Variants in RNF180 observed in about 807,000 individuals in gnomAD.
RNF180 encodes the protein E3 ubiquitin-protein ligase RNF180.
Under a neutral mutation model 59.2 loss-of-function variants are expected in RNF180, and 38 were observed. The observed-to-expected ratio is 0.64, with a 90% CI of 0.50 to 0.84. The LOEUF (loss-of-function observed/expected upper bound fraction) is 0.84, where lower values mean the gene tolerates loss of function less well. Among genes scored for constraint, RNF180 ranks in the 40% least tolerant of loss-of-function variants. The pLI, the probability that RNF180 is intolerant of heterozygous loss-of-function variation, is 0.00. For synonymous variants in RNF180, 262 were observed against 240.3 expected (o/e 1.09, Z -0.84); for missense variants, 705 against 700.9 (o/e 1.01, Z -0.07).
At chr5:64,190,500 G>A (rs1751089035) in intron 1 of RNF180, among the ~76,000 whole-genome samples, 1 of 152,118 alleles carries the variant, frequency 6.6e-6, no homozygotes, top group African/African-American at 2.4e-5. Flanking sequence ...TAAGACTTTT[G>A]GGAGCTGTTG....
chr5:64,317,149 C>T (rs7725240), intron 5 of RNF180, among the ~76,000 whole-genome samples: 7,448 of 151,282 alleles, frequency 0.049, 591 homozygotes, highest in African/African-American at 0.16. Context: ...TATGTGTGTG[C>T]GTGTGTGTGT....
upstream of RNF180, chr5:64,165,812 G>C (rs2111831020): frequency 6.6e-6 from 1 of 152,208 alleles, no homozygotes; most frequent in South Asian, 2.1e-4. Flanking sequence ...GCTTTCCGCG[G>C]GGTTTGGCTC....
At chr5:64,270,153 G>A (rs1388099748) in intron 5 of RNF180, among the ~76,000 whole-genome samples, 2 of 151,994 alleles carry the variant, frequency 1.3e-5, no homozygotes, top group Non-Finnish European at 1.5e-5. Context: ...GTAAACCATT[G>A]TATTAATATT....
At chr5:64,226,921 G>A (rs1741800899) in intron 5 of RNF180, among the ~76,000 whole-genome samples, 1 of 152,220 alleles carries the variant, frequency 6.6e-6, no homozygotes, top group African/African-American at 2.4e-5. Context: ...GTCCTGTCTT[G>A]CAAATTGCCA....
chr5:64,337,445 A>G (rs919966185), intron 7 of RNF180, among the ~76,000 whole-genome samples: 3 of 152,228 alleles, frequency 2.0e-5, no homozygotes, highest in East Asian at 1.9e-4. Flanking sequence ...ATATTATACA[A>G]TCTTGCTGAG....
intron 1 of RNF180, among the ~76,000 whole-genome samples, chr5:64,191,953 G>T (rs190862288): frequency 6.6e-6 from 1 of 151,946 alleles, no homozygotes; most frequent in Non-Finnish European, 1.5e-5. Flanking sequence ...AATTCATTTC[G>T]AGTTGATTTT....
chr5:64,210,087 A>G (rs1752227405), intron 2 of RNF180, among the ~76,000 whole-genome samples: 1 of 152,118 alleles, frequency 6.6e-6, no homozygotes, highest in South Asian at 2.1e-4. Context: ...AAGCACACAA[A>G]ATCAAACACT....
At chr5:64,265,308 A>G (rs143356544) in intron 5 of RNF180, among the ~76,000 whole-genome samples, 15,471 of 152,132 alleles carry the variant, frequency 0.1, 889 homozygotes, top group South Asian at 0.17. Context: ...GCCCATGCCT[A>G]TGTCCTGGAT....
chr5:64,289,199 A>G (rs1053505001), intron 5 of RNF180, among the ~76,000 whole-genome samples: 1 of 152,172 alleles, frequency 6.6e-6, no homozygotes, highest in African/African-American at 2.4e-5. Context: ...ACATTTATTG[A>G]TCTGAATACA....
At chr5:64,332,261 T>C (rs1159794623) in intron 7 of RNF180, among the ~76,000 whole-genome samples, 1 of 152,110 alleles carries the variant, frequency 6.6e-6, no homozygotes, top group Non-Finnish European at 1.5e-5. Flanking sequence ...CCTGTGACAA[T>C]AGTTAACAAA....
intron 5 of RNF180, among the ~76,000 whole-genome samples, chr5:64,230,498 CTCTT>C (rs1380948433): frequency 1.6e-4 from 25 of 152,224 alleles, no homozygotes; most frequent in Admixed American, 1.6e-3. Context: ...ACAATGTCAT[CTCTT>C]TGTTTCTGAC....
rs757223760 is a variant in RNF180 at position 64,325,176 on chromosome 5, T to C, written c.1228-10T>C. 6 of 1,527,708 alleles carry C rather than the reference T, an allele frequency of 3.9e-6. No homozygotes were observed. Among genetic ancestry groups the C allele is most frequent in the Middle Eastern group, 1.7e-4 (1 of 5,924 alleles). 94.6% of individuals were successfully genotyped at this position (1,527,708 alleles called of 1,614,324 possible). A position where few individuals can be genotyped will look rare whatever the true frequency, so the allele number is the denominator to read the frequency against. On this transcript the variant is annotated splice_polypyrimidine_tract_variant and intron_variant, in intron 5 of 7. Coordinates refer to ENST00000389100, the MANE Select transcript of RNF180 (RefSeq NM_001113561.2). ...CTAAATTAAGAAAAAAGTTTTCTTA[T>C]GTTTTGCAGACTTTGAATAATGAGA...
chr5:64,316,720 A>T (rs766404384), intron 5 of RNF180, among the ~76,000 whole-genome samples: 1 of 152,340 alleles, frequency 6.6e-6, no homozygotes, highest in Admixed American at 6.5e-5. Context: ...TATAATCTTT[A>T]AGAGTCTTGA....
In RNF180 at chr5:64,200,833, C is replaced by T; in HGVS notation, c.26C>T (p.Thr9Ile). 1 of 1,611,962 alleles carries T rather than the reference C, an allele frequency of 6.2e-7. No individual in the cohort carries two copies. Among genetic ancestry groups the T allele is most frequent in the South Asian group, 1.1e-5 (1 of 90,972 alleles). Residue 9 changes from threonine to isoleucine, a missense_variant, in exon 2 of 8, where the codon ACT (threonine) becomes ATT (isoleucine). Transcript: ENST00000389100. ...ATGAAAAGAAGCAAAGAATTGATAA[C>T]TAAAAATCATAGTCAAGAGGAAACA... MKRSKELITKNHSQEETSI... is the reference protein window; with the variant it reads MKRSKELIIKNHSQEETSI...
intron 5 of RNF180, among the ~76,000 whole-genome samples, chr5:64,221,502 A>T (rs1741334356): frequency 1.3e-5 from 2 of 152,142 alleles, no homozygotes; most frequent in Admixed American, 1.3e-4. Flanking sequence ...ATGTAAAAAT[A>T]CCTAGGGCAT....
chr5:64,248,956 G>A (rs1743373455), intron 5 of RNF180, among the ~76,000 whole-genome samples: 1 of 152,110 alleles, frequency 6.6e-6, no homozygotes, highest in South Asian at 2.1e-4. Flanking sequence ...CCTCTCCAGG[G>A]ACGAGGATGA....
At chr5:64,208,038 A>G (rs991145557) in intron 2 of RNF180, among the ~76,000 whole-genome samples, 1 of 152,092 alleles carries the variant, frequency 6.6e-6, no homozygotes, top group Non-Finnish European at 1.5e-5. Context: ...ACACTTAATT[A>G]AAAATATTAA....
intron 7 of RNF180, among the ~76,000 whole-genome samples, chr5:64,344,343 A>G (rs1745470412): frequency 6.6e-6 from 1 of 152,124 alleles, no homozygotes; most frequent in African/African-American, 2.4e-5. Flanking sequence ...TTATTGGAGA[A>G]AAAAGGAACA....
In RNF180 at chr5:64,310,279, T is replaced by C. The variant is rs138460217; in HGVS notation, c.1228-14907T>C. Among the ~76,000 whole-genome samples the C allele has an allele frequency of 4.9e-3, 747 of 151,884 alleles. 6 individuals are homozygous for C. Among genetic ancestry groups the C allele is most frequent in the African/African-American group, 0.017 (715 of 41,510 alleles). On this transcript the variant is annotated intron_variant, in intron 5 of 7. Transcript: ENST00000389100. ...AAATTAATATAATTTGTCATATGGC[T>C]TAAACTATTAAAAGTAAATGTTCAC...
Sources: allele counts gnomAD v4.1 joint callset (sites outside exome capture counted in the v4.1 genomes callset), GRCh38; gene constraint gnomAD v4.1.1; transcripts MANE v1.5; gene names NCBI Gene and HGNC (gene_info 2026-07-23, HGNC 2026-07-21).